The following MTMR3 variants were observed in gnomAD, a reference collection of about 807,000 sequenced individuals.
The protein encoded by MTMR3 is phosphatidylinositol-3,5-bisphosphate 3-phosphatase MTMR3.
A neutral mutation model predicts 132.4 loss-of-function variants in MTMR3; 32 were observed. The observed-to-expected ratio is 0.24, with a 90% CI of 0.18 to 0.32. The LOEUF (loss-of-function observed/expected upper bound fraction) is 0.32, where lower values mean the gene tolerates loss of function less well. Ranked by LOEUF, MTMR3 falls within the 10% of genes least tolerant of loss-of-function variation. MTMR3 has a pLI of 1.00. For missense variants in MTMR3, 1,216 were observed against 1,489.6 expected (o/e 0.82, Z 3.02); for synonymous variants, 556 against 550.3 (o/e 1.01, Z -0.14).
chr22:29,991,820 G>A (rs2066966799), intron 7 of MTMR3, 150 bp downstream of exon 7: 1 of 742,466 alleles, frequency 1.3e-6, no homozygotes, highest in Non-Finnish European at 2.0e-6. Context: ...ATTCTTTTAA[G>A]CTTAATAGAA....
At chr22:29,953,037 T>C (rs1035477940) in intron 1 of MTMR3, among the ~76,000 whole-genome samples, 2 of 152,170 alleles carry the variant, frequency 1.3e-5, no homozygotes, top group African/African-American at 4.8e-5. Context: ...TACACTCAAA[T>C]TTTTCTCTGG....
chr22:29,988,441 CT>C (rs1352663471), intron 5 of MTMR3, 38 bp from the exon 6 acceptor site: 3 of 1,517,644 alleles, frequency 2.0e-6, no homozygotes, highest in Non-Finnish European at 2.7e-6. Context: ...GGGTCAATGC[CT>C]TTTTGACTAA....
Position 30,020,381 on chromosome 22 carries a change from C to G in MTMR3, c.2722C>G (p.Leu908Val). The G allele has an allele frequency of 6.2e-7, 1 of 1,614,198 alleles. No individual in the cohort carries two copies. The highest frequency in any genetic ancestry group is 8.5e-7 in the Non-Finnish European group (1 of 1,180,044). ...GCATAGGACTTCCCTTGGCAGCACT[C>G]TCAGCCTGACACGTTCCCCTTGTGC... ...VVHRTSLGST[L>V]SLTRSPCALP... Residue 908 changes from leucine (L) to valine (V), a missense_variant, in exon 17 of 20, where the codon CTC becomes GTC. Physicochemically the swap from Leu to Val is conservative, Grantham distance 32 (BLOSUM62 1). Around this residue, in one of 7 missense-constraint regions of MTMR3, gnomAD observed 852 missense variants for 852.0 expected, o/e 1.00. Coordinates refer to ENST00000401950, the MANE Select transcript of MTMR3 (RefSeq NM_021090.4).
At chr22:29,915,005 A>G (rs2065281863) in intron 1 of MTMR3, among the ~76,000 whole-genome samples, 1 of 152,176 alleles carries the variant, frequency 6.6e-6, no homozygotes, top group African/African-American at 2.4e-5. Context: ...AACATACTCT[A>G]TAGGATTTCA....
chr22:29,897,342 T>A (rs2064921586), intron 1 of MTMR3, among the ~76,000 whole-genome samples: 2 of 152,218 alleles, frequency 1.3e-5, no homozygotes, highest in African/African-American at 4.8e-5. Flanking sequence ...CCCAAAGTGC[T>A]GGGATTACAG....
intron 1 of MTMR3, among the ~76,000 whole-genome samples, chr22:29,918,650 A>G (rs1307927838): frequency 6.6e-6 from 1 of 152,254 alleles, no homozygotes; most frequent in Admixed American, 6.5e-5. Flanking sequence ...AGAATTACTC[A>G]TGTATTAAAT....
chr22:30,012,133 C>G (rs999361489), intron 12 of MTMR3: 2 of 437,358 alleles, frequency 4.6e-6, no homozygotes, highest in Admixed American at 4.4e-5. Flanking sequence ...GATTTTGGAA[C>G]AAAAGGTGTG....
At chr22:29,952,537 G>A (rs1467185738) in intron 1 of MTMR3, among the ~76,000 whole-genome samples, 1 of 152,044 alleles carries the variant, frequency 6.6e-6, no homozygotes, top group Non-Finnish European at 1.5e-5. Flanking sequence ...CACACTAGGA[G>A]CGTTGAGCCC....
intron 17 of MTMR3, 197 bp downstream of exon 17, chr22:30,021,081 C>T (rs1194879245): frequency 3.2e-6 from 2 of 617,866 alleles, no homozygotes; most frequent in Non-Finnish European, 5.6e-6. Flanking sequence ...GCTTCGCTTA[C>T]TTTCTGCAGA....
intron 1 of MTMR3, among the ~76,000 whole-genome samples, chr22:29,931,986 A>G (rs1258146041): frequency 6.6e-6 from 1 of 152,140 alleles, no homozygotes; most frequent in Non-Finnish European, 1.5e-5. Flanking sequence ...AAATTCTGGA[A>G]TGGTTTATTC....
intron 5 of MTMR3, chr22:29,986,359 A>G (rs932666702): frequency 6.3e-6 from 1 of 158,664 alleles, no homozygotes; most frequent in African/African-American, 2.4e-5. Context: ...AGGAGTATAT[A>G]CAAAATAAAA....
intron 1 of MTMR3, among the ~76,000 whole-genome samples, chr22:29,946,709 ATCTTAAAGACAATGGCATGT>A (rs1484599469): frequency 6.6e-6 from 1 of 151,480 alleles, no homozygotes; most frequent in Non-Finnish European, 1.5e-5. Context: ...ATGGGAGTGC[ATCTTAAAGACAATGGCATGT>A]TATGGTTGAA....
intron 1 of MTMR3, among the ~76,000 whole-genome samples, chr22:29,903,681 C>T (rs893356786): frequency 2.0e-5 from 3 of 152,074 alleles, no homozygotes; most frequent in Non-Finnish European, 4.4e-5. Flanking sequence ...GTGTGAGCCA[C>T]CTTGCCCAGC....
Position 29,911,585 on chromosome 22 carries a change from G to T in MTMR3, c.-138+28226G>T, listed in dbSNP as rs529150226. Among the ~76,000 whole-genome samples, 25 of 145,160 alleles carry T rather than the reference G, an allele frequency of 1.7e-4. No homozygotes were observed. The East Asian group carries it at 3.0e-3, about 17-fold the overall frequency. The stretch of plus-strand genomic sequence containing the variant: ...TTTTGTGTAAAATAGCTTGATTTGG[G>T]TTTTTTTTTTTTTACTTACAACTGA... On this transcript the variant is annotated intron_variant, in intron 1 of 19. Coordinates refer to ENST00000401950, the MANE Select transcript of MTMR3 (RefSeq NM_021090.4).
intron 12 of MTMR3, 186 bp from the exon 13 acceptor site, chr22:30,012,182 T>C (rs2067449050): frequency 1.7e-6 from 1 of 599,144 alleles, no homozygotes; most frequent in Admixed American, 3.2e-5. Flanking sequence ...CTCTTCTCTA[T>C]TGTATAGTAG....
At chr22:30,010,025 A>T (rs1361578702) in intron 12 of MTMR3, 1 of 152,232 alleles carries the variant, frequency 6.6e-6, no homozygotes, top group Non-Finnish European at 1.5e-5. Flanking sequence ...CGTAGTTGTC[A>T]TCAGCCAAGA....
rs1254074215 is a variant in MTMR3, at chr22:30,016,557, C to T, written c.1533C>T (p.Cys511=). 1 of 1,613,954 alleles carries T rather than the reference C, an allele frequency of 6.2e-7. No homozygotes were observed. The change falls in exon 15 of 20, where the codon TGC becomes TGT. Residue 511 remains cysteine, a synonymous_variant. Coordinates refer to ENST00000401950, the MANE Select transcript of MTMR3 (RefSeq NM_021090.4). ...AACTGGTGCAGCATACCTATTCCTG[C>T]CTGTTTGGAACATTCCTGTGCAACA... ...LVKLVQHTYS[C]LFGTFLCNNA...
intron 17 of MTMR3, chr22:30,021,162 C>G (rs549698230): frequency 6.4e-6 from 3 of 467,256 alleles, no homozygotes; most frequent in South Asian, 5.7e-5. Flanking sequence ...CTCTCAGACA[C>G]AGGATCATAA....
intron 1 of MTMR3, among the ~76,000 whole-genome samples, chr22:29,936,533 C>G (rs1344712508): frequency 6.6e-6 from 1 of 152,062 alleles, no homozygotes; most frequent in Non-Finnish European, 1.5e-5. Context: ...TTTCTTGATT[C>G]TCTGTGGTTA....
Sources: gnomAD v4.1 joint callset for allele counts (sites outside exome capture counted in the v4.1 genomes callset) on GRCh38, gnomAD v4.1.1 for gene constraint, gnomAD v4.1.1 regional missense constraint, MANE v1.5 for transcripts, NCBI Gene and HGNC (gene_info 2026-07-23, HGNC 2026-07-21) for gene names.